The following A1CF variants were observed in gnomAD, a reference collection of about 807,000 sequenced individuals.
A1CF encodes APOBEC1 complementation factor.
In A1CF, 48 loss-of-function variants were observed where a neutral mutation model predicts 68.9. That is an observed-to-expected ratio of 0.70 (90% CI 0.55 to 0.89). The LOEUF (loss-of-function observed/expected upper bound fraction) is 0.89. Among genes scored for constraint, A1CF ranks in the 40% least tolerant of loss-of-function variants. The probability of loss-of-function intolerance (pLI) is 0.00; values close to 1 mark genes in which losing one functional copy is unlikely to be tolerated. For missense variants in A1CF, 653 were observed against 718.9 expected, an observed-to-expected ratio of 0.91 and a Z score of 1.05; for synonymous variants, 272 against 260.4, an observed-to-expected ratio of 1.04 and a Z score of -0.43.
chr10:50,850,559 G>T, intron 3 of A1CF: 2 of 1,373,068 alleles, frequency 1.5e-6, no homozygotes, highest in Non-Finnish European at 2.1e-6. Flanking sequence ...AAACTTATTC[G>T]AGTGTTTTTC....
chr10:50,861,280 A>G lies in A1CF; in HGVS notation c.-45-1295T>C, dbSNP rs948389053. On this transcript the variant is annotated intron_variant, in intron 2 of 12. Transcript: ENST00000373997. ...TATTACTAACAATAGCAATATTACT[A>G]AGACTACCTACTAATATTAGTATTA... Among the ~76,000 whole-genome samples, 6 of 150,954 alleles carry G rather than the reference A, an allele frequency of 4.0e-5. No individual in the cohort carries two copies. In the East Asian group the frequency reaches 5.8e-4, roughly 15 times the overall value.
intron 1 of A1CF, among the ~76,000 whole-genome samples, chr10:50,866,424 G>A (rs367600004): frequency 1.8e-4 from 27 of 152,270 alleles, no homozygotes; most frequent in Non-Finnish European, 2.6e-4. Context: ...AGCTCACCTC[G>A]TCACTTGGCT....
At chr10:50,877,432 G>T (rs1841564153) in intron 1 of A1CF, among the ~76,000 whole-genome samples, 1 of 152,108 alleles carries the variant, frequency 6.6e-6, no homozygotes, top group Admixed American at 6.5e-5. Flanking sequence ...AATTTAAGTT[G>T]AAAACTCAAT....
chr10:50,863,484 A>G (rs531098935), intron 2 of A1CF, among the ~76,000 whole-genome samples: 1 of 152,314 alleles, frequency 6.6e-6, no homozygotes, highest in African/African-American at 2.4e-5. Context: ...GATAGAGAAA[A>G]GCTTTCATGA....
At chr10:50,846,436 C>T (rs1370798840) in intron 3 of A1CF, among the ~76,000 whole-genome samples, 4 of 152,250 alleles carry the variant, frequency 2.6e-5, no homozygotes, top group East Asian at 1.9e-4. Context: ...CTTTCCATTT[C>T]GGTGATAATG....
chr10:50,809,433 T>C (rs1837988875), intron 12 of A1CF, among the ~76,000 whole-genome samples: 1 of 152,176 alleles, frequency 6.6e-6, no homozygotes, highest in Non-Finnish European at 1.5e-5. Context: ...AATCTTTCTG[T>C]ATATGGGCTC....
rs150572385 is a variant in A1CF at position 50,863,423 on chromosome 10, T to C, written c.-46+610A>G. Among the ~76,000 whole-genome samples the C allele has an allele frequency of 1.6e-3, 244 of 152,336 alleles. 1 individual carries two copies. Among genetic ancestry groups the C allele is most frequent in the Non-Finnish European group, 2.4e-3 (163 of 68,012 alleles). On this transcript the variant is annotated intron_variant, in intron 2 of 12. Transcript: ENST00000373997. ...AAAGAATAGTTCTTAAAGTATCTTA[T>C]TGAAGCAATAGAATTTAAAACAAAT...
At chr10:50,876,935 A>T (rs1040528487) in intron 1 of A1CF, among the ~76,000 whole-genome samples, 5 of 152,218 alleles carry the variant, frequency 3.3e-5, no homozygotes, top group African/African-American at 1.2e-4. Context: ...ACTGAATAAT[A>T]CATACACGTA....
In A1CF at chr10:50,800,383, A is replaced by T. The variant is rs555560529; in HGVS notation, c.*6346T>A. 6.6e-6 allele frequency: 1 copy of T among 152,198 alleles called. No individual in the cohort carries two copies. The highest frequency in any genetic ancestry group is 1.5e-5 in the Non-Finnish European group (1 of 68,010). 9.4% of individuals were successfully genotyped at this position (152,198 alleles called of 1,614,324 possible). On this transcript the variant is annotated 3_prime_UTR_variant, in exon 13 of 13. Transcript: ENST00000373997. ...GTTAAATTCACCTTTTAAAAGGCTT[A>T]TTGTATCAGTCCAGAGTTTGGCAAT...
Position 50,800,701 on chromosome 10 carries a change from A to G in A1CF, c.*6028T>C, listed in dbSNP as rs1333826398. The stretch of plus-strand genomic sequence containing the variant: ...CTTGTTTAATTTCCAATGTTAGTGA[A>G]GAGAATAGAGGGAGGGAAAAAGGGA... On this transcript the variant is annotated 3_prime_UTR_variant, in exon 13 of 13. Transcript: ENST00000373997. 1 of 152,174 alleles carries G rather than the reference A, an allele frequency of 6.6e-6. No individual in the cohort carries two copies. The highest frequency in any genetic ancestry group is 1.5e-5 in the Non-Finnish European group (1 of 68,022). 9.4% of individuals were successfully genotyped at this position (152,174 alleles called of 1,614,324 possible). A position where few individuals can be genotyped will look rare whatever the true frequency, so the allele number is the denominator to read the frequency against.
intron 1 of A1CF, among the ~76,000 whole-genome samples, chr10:50,878,606 G>T (rs894854698): frequency 6.6e-6 from 1 of 152,136 alleles, no homozygotes; most frequent in East Asian, 1.9e-4. Flanking sequence ...GGATCATTGG[G>T]CTTTAGGAAA....
At position 50,811,037 on chromosome 10, in the gene A1CF, C is replaced by T. The variant is rs1324530606; in HGVS notation, c.1460+3G>A. 3.1e-6 allele frequency: 5 copies of T among 1,610,234 alleles called. No homozygotes were observed. Among genetic ancestry groups the T allele is most frequent in the African/African-American group, 1.3e-5 (1 of 74,886 alleles). On this transcript the variant is annotated splice_donor_region_variant and intron_variant, in intron 11 of 12. Transcript: ENST00000373997. The stretch of plus-strand genomic sequence containing the variant: ...TGGTAAGGAATTTGGAGAAGTTACG[C>T]ACATTGCAGGATTCTGGCTGGCTAG...
chr10:50,853,520 A>C (rs1564522810), intron 3 of A1CF, among the ~76,000 whole-genome samples: 1 of 152,102 alleles, frequency 6.6e-6, no homozygotes, highest in Non-Finnish European at 1.5e-5. Flanking sequence ...CTATGAGACT[A>C]ATCTTCATAA....
chr10:50,843,589 A>G (rs1839871668), intron 4 of A1CF, among the ~76,000 whole-genome samples: 1 of 152,246 alleles, frequency 6.6e-6, no homozygotes, highest in South Asian at 2.1e-4. Flanking sequence ...AGCCTTGTCA[A>G]ACATACACAT....
At chr10:50,817,679 G>GGTCTCTC (rs1665968477) in intron 8 of A1CF, among the ~76,000 whole-genome samples, 3 of 152,158 alleles carry the variant, frequency 2.0e-5, no homozygotes, top group Non-Finnish European at 4.4e-5. Flanking sequence ...GAAGATGAGA[G>GGTCTCTC]ACCCAAATAG....
In A1CF at chr10:50,828,179, A is replaced by T. The variant is rs759025898; in HGVS notation, c.721T>A (p.Ser241Thr). The T allele has an allele frequency of 5.0e-6, 8 of 1,607,190 alleles. No homozygotes were observed. Among genetic ancestry groups the T allele is most frequent in the Non-Finnish European group, 1.7e-6 (2 of 1,175,412 alleles). Residue 241 changes from serine (S) to threonine (T), a missense_variant, in exon 7 of 13, where the codon TCT becomes ACT. Physicochemically the swap from Ser to Thr is moderately conservative, Grantham distance 58 (BLOSUM62 1). Coordinates refer to ENST00000373997, the MANE Select transcript of A1CF (RefSeq NM_014576.4). ...TTTTCAATCATCTCTTCAGAGGTAG[A>T]CAGCATAAGATTTCTTACATATAGG... ...KILYVRNLML[S>T]TSEEMIEKEF...
intron 3 of A1CF, among the ~76,000 whole-genome samples, chr10:50,857,459 C>T (rs1223748303): frequency 1.3e-5 from 2 of 152,100 alleles, no homozygotes; most frequent in Non-Finnish European, 2.9e-5. Flanking sequence ...TAACTGTCAC[C>T]CAACACCCTA....
rs1445880323 is a variant in A1CF, at chr10:50,801,336, C to A, written c.*5393G>T. ...GTTATCTGCTTTGGAGAAGACAAAG[C>A]CAATTCTACAAAATTAAAAACAACA... On this transcript the variant is annotated 3_prime_UTR_variant, in exon 13 of 13. Coordinates refer to ENST00000373997, the MANE Select transcript of A1CF (RefSeq NM_014576.4). 1 of 152,142 alleles carries A rather than the reference C, an allele frequency of 6.6e-6. No individual in the cohort carries two copies. Among genetic ancestry groups the A allele is most frequent in the Non-Finnish European group, 1.5e-5 (1 of 68,036 alleles). 9.4% of individuals were successfully genotyped at this position (152,142 alleles called of 1,614,324 possible).
chr10:50,846,465 T>C (rs1313274586), intron 3 of A1CF, among the ~76,000 whole-genome samples: 1 of 152,216 alleles, frequency 6.6e-6, no homozygotes, highest in Non-Finnish European at 1.5e-5. Context: ...GAGCCCATTT[T>C]TATGTATCTT....
Sources: gnomAD v4.1 joint callset for allele counts (sites outside exome capture counted in the v4.1 genomes callset) on GRCh38, gnomAD v4.1.1 for gene constraint, MANE v1.5 for transcripts, NCBI Gene and HGNC (gene_info 2026-07-23, HGNC 2026-07-21) for gene names.